PRR7: variants seen among roughly 807,000 people sequenced by gnomAD.
PRR7 encodes the protein proline rich 7, synaptic, also known as proline-rich protein 7.
A neutral mutation model predicts 18.5 loss-of-function variants in PRR7; 8 were observed. The ratio of observed to expected loss-of-function variants is 0.43; its 90% CI spans 0.25 to 0.78. The LOEUF is 0.78. Among genes scored for constraint, PRR7 ranks in the 30% least tolerant of loss-of-function variants. The pLI is 0.22. For synonymous variants in PRR7, 221 were observed against 187.7 expected (o/e 1.18, Z -1.45); for missense variants, 396 against 403.1 (o/e 0.98, Z 0.15).
chr5:177,448,631 CCT>C (rs954653567), intron 1 of PRR7, among the ~76,000 whole-genome samples: 10 of 152,228 alleles, frequency 6.6e-5, no homozygotes, highest in African/African-American at 9.6e-5. Flanking sequence ...GAGGACATTC[CCT>C]GTCTTTCGGG....
In PRR7 at chr5:177,456,148, C is replaced by T; in HGVS notation, c.*27C>T. On this transcript the variant is annotated 3_prime_UTR_variant, in exon 4 of 4. Coordinates refer to ENST00000323249, the MANE Select transcript of PRR7 (RefSeq NM_030567.5). ...GGGGCGCCCGGCGCCCCGGGCCCCA[C>T]CGGCGGACTCCTGGCCTGACTGCGG... is the stretch of plus-strand genomic sequence containing the variant. 3 of 1,420,370 alleles carry T rather than the reference C, an allele frequency of 2.1e-6. No individual in the cohort carries two copies. The highest frequency in any genetic ancestry group is 2.7e-6 in the Non-Finnish European group (3 of 1,094,100). The allele number at this position is 1,420,370 out of a possible 1,614,324, so 88.0% of individuals were successfully genotyped here.
At position 177,455,663 on chromosome 5, in the gene PRR7, G is replaced by T; in HGVS notation, c.428-61G>T. On this transcript the variant is annotated intron_variant, in intron 3 of 3. Coordinates refer to ENST00000323249, the MANE Select transcript of PRR7 (RefSeq NM_030567.5). This position sits in a 1 kb window ranked among gnomAD's most constrained non-coding sequence, Gnocchi z 6.9. ...GGGGCGCGGGCGGCCCCTGGCCGGG[G>T]CCTCTGCGAGAGGCTGGGAACCGGC... 2.7e-6 allele frequency: 4 copies of T among 1,461,576 alleles called. No individual in the cohort carries two copies. Among genetic ancestry groups the T allele is most frequent in the Non-Finnish European group, 3.6e-6 (4 of 1,102,938 alleles). The allele number at this position is 1,461,576 out of a possible 1,614,324, so 90.5% of individuals were successfully genotyped here. A position where few individuals can be genotyped will look rare whatever the true frequency, so the allele number is the denominator to read the frequency against.
chr5:177,456,127 C>T lies in PRR7; in HGVS notation c.*6C>T, dbSNP rs1415012034. The T allele has an allele frequency of 7.0e-7, 1 of 1,425,958 alleles. No individual in the cohort carries two copies. Among genetic ancestry groups the T allele is most frequent in the South Asian group, 1.5e-5 (1 of 66,596 alleles). The allele number at this position is 1,425,958 out of a possible 1,614,324, so 88.3% of individuals were successfully genotyped here. A position where few individuals can be genotyped will look rare whatever the true frequency, so the allele number is the denominator to read the frequency against. On this transcript the variant is annotated 3_prime_UTR_variant, in exon 4 of 4. Transcript: ENST00000323249. ...GGAGGACTACAGCCGTATAGAGGGG[C>T]GCCCGGCGCCCCGGGCCCCACCGGC...
Position 177,456,038 on chromosome 5 carries a change from C to T in PRR7, c.742C>T (p.Leu248Phe). The part of the protein sequence containing the change: ...RVFPSWTDSE[L>F]SSREPLEHGA... ...CTTCCCCAGCTGGACCGACTCAGAG[C>T]TCAGCAGCCGCGAGCCCCTGGAGCA... Residue 248 changes from leucine to phenylalanine, a missense_variant, in exon 4 of 4, where the codon CTC becomes TTC. Around this residue, in one of 2 missense-constraint regions of PRR7, gnomAD observed 383 missense variants for 372.6 expected, o/e 1.03. Transcript: ENST00000323249. 1.3e-6 allele frequency: 2 copies of T among 1,576,544 alleles called. No homozygotes were observed. Among genetic ancestry groups the T allele is most frequent in the Non-Finnish European group, 1.7e-6 (2 of 1,167,366 alleles).
chr5:177,452,492 C>T (rs376855110), intron 1 of PRR7, among the ~76,000 whole-genome samples: 17 of 152,324 alleles, frequency 1.1e-4, no homozygotes, highest in African/African-American at 3.8e-4. Flanking sequence ...CACCTATGGT[C>T]GGTTAGATGA....
intron 1 of PRR7, chr5:177,447,599 C>CATGGCCTG (rs1488677293): frequency 2.7e-5 from 4 of 149,832 alleles, no homozygotes; most frequent in African/African-American, 9.8e-5. Context: ...CGGCCCTGGA[C>CATGGCCTG]ATGGCCTGAG....
intron 1 of PRR7, among the ~76,000 whole-genome samples, 163 bp from the exon 2 acceptor site, chr5:177,453,793 C>T (rs1188155989): frequency 6.6e-6 from 1 of 152,220 alleles, no homozygotes; most frequent in African/African-American, 2.4e-5. Flanking sequence ...CCCAACTCCT[C>T]GTCTGTAAAA....
intron 1 of PRR7, among the ~76,000 whole-genome samples, chr5:177,452,033 C>T (rs1756189007): frequency 6.6e-6 from 1 of 152,200 alleles, no homozygotes; most frequent in African/African-American, 2.4e-5. Flanking sequence ...CTGCCGTGCT[C>T]CCAGTGAGTG....
chr5:177,455,492 A>G lies in PRR7; in HGVS notation c.425A>G (p.Gln142Arg), dbSNP rs769452340. 6.7e-7 allele frequency: 1 copy of G among 1,497,106 alleles called. No homozygotes were observed. Among genetic ancestry groups the G allele is most frequent in the Non-Finnish European group, 8.8e-7 (1 of 1,133,862 alleles). The allele number at this position is 1,497,106 out of a possible 1,614,324, so 92.7% of individuals were successfully genotyped here. ...VPPRPWSYPR[Q>R]AESDMSKPPC... ...CCACGGCCCTGGAGCTACCCGCGCC[A>G]AGGTGAGTACCGACCTCCGCCAGGG... The change falls in exon 3 of 4, where the codon CAA becomes CGA. Residue 142 changes from glutamine (Q) to arginine (R), a missense_variant and splice_region_variant. Physicochemically the swap from Gln to Arg is conservative, Grantham distance 43 (BLOSUM62 1). Coordinates refer to ENST00000323249, the MANE Select transcript of PRR7 (RefSeq NM_030567.5). This position sits in a 1 kb window ranked among gnomAD's most constrained non-coding sequence, Gnocchi z 6.9.
chr5:177,455,858 C>A lies in PRR7; in HGVS notation c.562C>A (p.Arg188Ser). Reference protein sequence around the residue: ...RKIVTPFLSRRDSAEKQEQPP... With the variant: ...RKIVTPFLSRSDSAEKQEQPP... Reference sequence around the variant, plus strand: ...GATCGTCACGCCCTTCCTGAGTCGCCGCGACAGCGCGGAGAAGCAGGAGCA... The same window carrying A: ...GATCGTCACGCCCTTCCTGAGTCGCAGCGACAGCGCGGAGAAGCAGGAGCA... Residue 188 changes from arginine (R) to serine (S), a missense_variant, in exon 4 of 4, where the codon CGC (arginine) becomes AGC (serine). Arg to Ser is a moderately radical substitution (Grantham distance 110). Around this residue, in one of 2 missense-constraint regions of PRR7, gnomAD observed 383 missense variants for 372.6 expected, o/e 1.03. Transcript: ENST00000323249. The surrounding 1 kb of genome is among the most constrained non-coding windows in gnomAD (Gnocchi z 6.9). 6.2e-7 allele frequency: 1 copy of A among 1,611,832 alleles called. No individual in the cohort carries two copies. The highest frequency in any genetic ancestry group is 1.3e-5 in the African/African-American group (1 of 75,024).
chr5:177,451,110 G>A lies in PRR7; in HGVS notation c.-324-2846G>A, dbSNP rs140029094. The stretch of plus-strand genomic sequence containing the variant: ...ACAAATGCCACCCTGCAGAGGATGC[G>A]GCGGACGGAAGGAATGGTAGGCTCT... On this transcript the variant is annotated intron_variant, in intron 1 of 3. Transcript: ENST00000323249. Among the ~76,000 whole-genome samples, 666 of 152,318 alleles carry A rather than the reference G, an allele frequency of 4.4e-3. 6 individuals carry two copies. Among genetic ancestry groups the A allele is most frequent in the Non-Finnish European group, 4.1e-3 (276 of 68,034 alleles).
intron 1 of PRR7, among the ~76,000 whole-genome samples, chr5:177,448,097 C>T (rs1755986752): frequency 6.6e-6 from 1 of 152,244 alleles, no homozygotes; most frequent in Non-Finnish European, 1.5e-5. Flanking sequence ...TCTCCCAGGC[C>T]TGACTCAGCA....
Position 177,456,203 on chromosome 5 carries a change from G to A in PRR7, c.*82G>A. 1 of 857,558 alleles carries A rather than the reference G, an allele frequency of 1.2e-6. No individual in the cohort carries two copies. The highest frequency in any genetic ancestry group is 1.7e-6 in the Non-Finnish European group (1 of 602,832). The allele number at this position is 857,558 out of a possible 1,614,324, so 53.1% of individuals were successfully genotyped here. A position where few individuals can be genotyped will look rare whatever the true frequency, so the allele number is the denominator to read the frequency against. ...TTTTAAATGCTTCCCTGGACTGCGG[G>A]GAGGGGCGGGGGGAGGGAGGGATTT... On this transcript the variant is annotated 3_prime_UTR_variant, in exon 4 of 4. Transcript: ENST00000323249.
rs78452596 is a variant in PRR7 at position 177,450,377 on chromosome 5, G to A, written c.-325+3417G>A. Among the ~76,000 whole-genome samples the A allele has an allele frequency of 6.9e-3, 1,052 of 152,242 alleles. 15 individuals carry two copies. Among genetic ancestry groups the A allele is most frequent in the Non-Finnish European group, 7.8e-3 (529 of 68,024 alleles). On this transcript the variant is annotated intron_variant, in intron 1 of 3. Coordinates refer to ENST00000323249, the MANE Select transcript of PRR7 (RefSeq NM_030567.5). The surrounding 1 kb of genome is among the most constrained non-coding windows in gnomAD (Gnocchi z 6.6). ...TCCTTTGATTCACGTAGACACATGG[G>A]GTCTCCACTTGCTTATGAACTGCCC...
In PRR7 at chr5:177,456,252, A is replaced by C; in HGVS notation, c.*131A>C. On this transcript the variant is annotated 3_prime_UTR_variant, in exon 4 of 4. Transcript: ENST00000323249. ...TTCTTATCCCGTTTGTTACATTTTG[A>C]GGATAATAAAGGTGTGTGATCTGGT... 1.7e-6 allele frequency: 2 copies of C among 1,189,128 alleles called. No homozygotes were observed. Among genetic ancestry groups the C allele is most frequent in the Non-Finnish European group, 2.2e-6 (2 of 897,294 alleles). The allele number at this position is 1,189,128 out of a possible 1,614,324, so 73.7% of individuals were successfully genotyped here. A position where few individuals can be genotyped will look rare whatever the true frequency, so the allele number is the denominator to read the frequency against.
At chr5:177,451,780 AG>A (rs35812391) in intron 1 of PRR7, among the ~76,000 whole-genome samples, 4 of 38,724 alleles carry the variant, frequency 1.0e-4, no homozygotes, top group Non-Finnish European at 1.7e-4. Context: ...TGTGGTGCCC[AG>A]CCCTCAGGCA....
intron 1 of PRR7, among the ~76,000 whole-genome samples, chr5:177,453,004 C>A (rs1203656194): frequency 6.6e-6 from 1 of 152,234 alleles, no homozygotes; most frequent in East Asian, 1.9e-4. Flanking sequence ...CCACTTACAT[C>A]TGGCACAGAG....
chr5:177,455,168 T>C lies in PRR7; in HGVS notation c.101T>C (p.Leu34Pro). The C allele has an allele frequency of 6.3e-7, 1 of 1,576,054 alleles. No homozygotes were observed. Among genetic ancestry groups the C allele is most frequent in the Non-Finnish European group, 8.6e-7 (1 of 1,166,046 alleles). Residue 34 changes from leucine (L) to proline (P), a missense_variant, in exon 3 of 4, where the codon CTG (leucine) becomes CCG (proline). Leu to Pro is a moderately conservative substitution (Grantham distance 98, BLOSUM62 -3). Coordinates refer to ENST00000323249, the MANE Select transcript of PRR7 (RefSeq NM_030567.5). This position sits in a 1 kb window ranked among gnomAD's most constrained non-coding sequence, Gnocchi z 6.9. ...IVLLCCFCSF[L>P]RRRLKRRQEE... ...CTGCTCTGCTGCTTCTGCAGCTTCC[T>C]GCGCCGCCGCCTCAAACGGCGCCAG...
upstream of PRR7, chr5:177,446,116 G>A (rs1358635769): frequency 6.6e-6 from 1 of 152,042 alleles, no homozygotes; most frequent in Non-Finnish European, 1.5e-5. The surrounding 1 kb of genome is among the most constrained non-coding windows in gnomAD (Gnocchi z 5.3). Context: ...CAGTAGAGAA[G>A]TTGGACGAAA....
Sources: gnomAD v4.1 joint callset for allele counts (sites outside exome capture counted in the v4.1 genomes callset) on GRCh38, gnomAD v4.1.1 for gene constraint, gnomAD v4.1.1 regional missense constraint, Gnocchi (gnomAD v3.1) non-coding constraint, MANE v1.5 for transcripts, NCBI Gene and HGNC (gene_info 2026-07-23, HGNC 2026-07-21) for gene names.